Variants in PRKCB observed in about 807,000 individuals in gnomAD.
The protein encoded by PRKCB is protein kinase C beta type.
A neutral mutation model predicts 81.5 loss-of-function variants in PRKCB; 13 were observed. The ratio of observed to expected loss-of-function variants is 0.16; its 90% CI spans 0.10 to 0.25. The LOEUF (loss-of-function observed/expected upper bound fraction) is 0.25, where lower values mean the gene tolerates loss of function less well. Among genes scored for constraint, PRKCB ranks in the 10% least tolerant of loss-of-function variants. The pLI is 1.00. For synonymous variants in PRKCB, 335 were observed against 321.4 expected (o/e 1.04, Z -0.45); for missense variants, 509 against 875.7 (o/e 0.58, Z 5.29).
Position 23,988,567 on chromosome 16 carries a change from G to T in PRKCB, c.265G>T (p.Ala89Ser). 1 of 1,613,942 alleles carries T rather than the reference G, an allele frequency of 6.2e-7. No individual in the cohort carries two copies. The highest frequency in any genetic ancestry group is 8.5e-7 in the Non-Finnish European group (1 of 1,179,910). The change falls in exon 3 of 17, where the codon GCT (alanine) becomes TCT (serine). Residue 89 changes from alanine to serine, a missense_variant. Physicochemically the swap from Ala to Ser is moderately conservative, Grantham distance 99. Coordinates refer to ENST00000643927, the MANE Select transcript of PRKCB (RefSeq NM_002738.7). ...ATTTGTCACATTCTCCTGCCCTGGC[G>T]CTGACAAGGGTCCAGCCTCCGATGT... ...HEFVTFSCPG[A>S]DKGPASDDPR...
intron 2 of PRKCB, among the ~76,000 whole-genome samples, chr16:23,915,058 G>T (rs976227588): frequency 7.9e-5 from 12 of 152,166 alleles, no homozygotes; most frequent in Non-Finnish European, 1.8e-4. Context: ...CTTTTGGCCT[G>T]TTTGCACTGT....
intron 5 of PRKCB, among the ~76,000 whole-genome samples, chr16:24,078,432 G>A (rs10492796): frequency 0.18 from 27,708 of 152,160 alleles, 5,336 homozygotes; most frequent in African/African-American, 0.49. Flanking sequence ...CAAACAAGAA[G>A]TAAAGCTAAC....
intron 9 of PRKCB, among the ~76,000 whole-genome samples, 199 bp from the exon 10 acceptor site, chr16:24,154,485 A>G (rs1324357198): frequency 6.6e-6 from 1 of 152,158 alleles, no homozygotes; most frequent in Non-Finnish European, 1.5e-5. Flanking sequence ...TGCTATTGCA[A>G]TCTAGGCTGG....
chr16:23,918,484 C>A (rs547569032), intron 2 of PRKCB, among the ~76,000 whole-genome samples: 2 of 152,094 alleles, frequency 1.3e-5, no homozygotes, highest in East Asian at 1.9e-4. Flanking sequence ...GCAACCTCCA[C>A]CTCCTGGGCT....
intron 7 of PRKCB, among the ~76,000 whole-genome samples, chr16:24,107,095 T>A (rs1966588534): frequency 6.6e-6 from 1 of 152,268 alleles, no homozygotes; most frequent in Admixed American, 6.5e-5. Flanking sequence ...TTATCCATGC[T>A]GTGTTCACTG....
At chr16:24,036,098 C>T (rs1965614639) in intron 5 of PRKCB, among the ~76,000 whole-genome samples, 1 of 152,040 alleles carries the variant, frequency 6.6e-6, no homozygotes, top group Admixed American at 6.6e-5. Context: ...CTGATGGTGG[C>T]TATGCTGTAA....
rs546788400 is a variant in PRKCB at position 24,219,770 on chromosome 16, T to C, written c.*4954T>C. The C allele has an allele frequency of 2.9e-6, 4 of 1,397,396 alleles. No individual in the cohort carries two copies. In the African/African-American group the frequency reaches 5.8e-5, roughly 20 times the overall value. 86.6% of individuals were successfully genotyped at this position (1,397,396 alleles called of 1,614,324 possible). ...CTTTTCTTAGAAAATTTCCACCACA[T>C]TTCTATCCCCAAGCCAACATACAAT... On this transcript the variant is annotated 3_prime_UTR_variant, in exon 17 of 17. Transcript: ENST00000643927.
At chr16:24,106,377 A>G (rs1171867852) in intron 7 of PRKCB, among the ~76,000 whole-genome samples, 1 of 152,240 alleles carries the variant, frequency 6.6e-6, no homozygotes, top group Non-Finnish European at 1.5e-5. Flanking sequence ...TTAGAAAAAT[A>G]TAAGAAATTG....
At chr16:24,186,891 C>T (rs1967711759) in intron 15 of PRKCB, among the ~76,000 whole-genome samples, 1 of 152,178 alleles carries the variant, frequency 6.6e-6, no homozygotes. Flanking sequence ...CAATCCCGAA[C>T]ATCTAAAGTG....
intron 7 of PRKCB, 22 bp downstream of exon 7, chr16:24,094,319 A>G: frequency 6.2e-7 from 1 of 1,613,286 alleles, no homozygotes. Flanking sequence ...TTTGCCTTGA[A>G]AGCTACCATA....
intron 7 of PRKCB, among the ~76,000 whole-genome samples, chr16:24,107,719 T>C (rs1046076343): frequency 3.3e-5 from 5 of 152,192 alleles, no homozygotes; most frequent in African/African-American, 1.2e-4. Flanking sequence ...CCCTGCCCGC[T>C]GCGCCAGGCA....
intron 7 of PRKCB, among the ~76,000 whole-genome samples, chr16:24,110,631 C>T (rs1005968349): frequency 6.6e-6 from 1 of 151,400 alleles, no homozygotes; most frequent in African/African-American, 2.4e-5. Context: ...ATTCTCCTAC[C>T]TCAGCCGCTC....
At chr16:24,148,745 G>A (rs1476795078) in intron 9 of PRKCB, among the ~76,000 whole-genome samples, 5 of 152,206 alleles carry the variant, frequency 3.3e-5, no homozygotes, top group Admixed American at 6.5e-5. Context: ...TCTAAAACGA[G>A]GGTCAGCAGA....
chr16:23,970,597 A>G (rs1403583803), intron 2 of PRKCB, among the ~76,000 whole-genome samples: 1 of 152,268 alleles, frequency 6.6e-6, no homozygotes, highest in Non-Finnish European at 1.5e-5. Context: ...GGAGTCAGGT[A>G]GACCTGAATT....
At chr16:24,052,629 C>T (rs1395349870) in intron 5 of PRKCB, among the ~76,000 whole-genome samples, 1 of 152,174 alleles carries the variant, frequency 6.6e-6, no homozygotes, top group Non-Finnish European at 1.5e-5. Flanking sequence ...GGGTAACTTC[C>T]TGACGTTGCC....
intron 2 of PRKCB, among the ~76,000 whole-genome samples, chr16:23,887,947 G>A (rs1033199600): frequency 1.3e-5 from 2 of 152,200 alleles, no homozygotes; most frequent in African/African-American, 4.8e-5. Context: ...CAGCTGTATG[G>A]TCCTGGCCTT....
chr16:23,976,453 G>A (rs141956746), intron 2 of PRKCB, among the ~76,000 whole-genome samples: 8 of 152,208 alleles, frequency 5.3e-5, no homozygotes, highest in Admixed American at 6.5e-5. Flanking sequence ...TGAGTCACAC[G>A]CCCATGCCTG....
intron 3 of PRKCB, among the ~76,000 whole-genome samples, chr16:24,025,994 A>G (rs1965474925): frequency 6.6e-6 from 1 of 152,204 alleles, no homozygotes; most frequent in Non-Finnish European, 1.5e-5. Context: ...GTACACATGT[A>G]GCTCTCAAGC....
intron 5 of PRKCB, among the ~76,000 whole-genome samples, chr16:24,091,884 A>G (rs146629934): frequency 6.6e-6 from 1 of 152,238 alleles, no homozygotes; most frequent in African/African-American, 2.4e-5. Context: ...TGCTGCTGAC[A>G]TTGTTCCAGC....
Sources: gnomAD v4.1 joint callset for allele counts (sites outside exome capture counted in the v4.1 genomes callset) on GRCh38, gnomAD v4.1.1 for gene constraint, MANE v1.5 for transcripts, NCBI Gene and HGNC (gene_info 2026-07-23, HGNC 2026-07-21) for gene names.